The following MATR3 variants were observed in gnomAD, a reference collection of about 807,000 sequenced individuals.
MATR3 encodes the protein matrin 3, also known as matrin-3.
Under a neutral mutation model 85.5 loss-of-function variants are expected in MATR3, and 4 were observed. That is an observed-to-expected ratio of 0.05 (90% confidence interval 0.02 to 0.11). The LOEUF (loss-of-function observed/expected upper bound fraction) is 0.11. Ranked by LOEUF, MATR3 falls within the 10% of genes least tolerant of loss-of-function variation. The pLI, the probability that MATR3 is intolerant of heterozygous loss-of-function variation, is 1.00. For missense variants in MATR3, 685 were observed against 1,016.1 expected, an observed-to-expected ratio of 0.67 and a Z score of 4.43; for synonymous variants, 336 against 343.1, an observed-to-expected ratio of 0.98 and a Z score of 0.23.
chr5:139,321,881 TTTTC>T lies in MATR3; in HGVS notation c.1603-9_1603-6del, dbSNP rs777720118. The T allele has an allele frequency of 5.0e-6, 8 of 1,611,700 alleles. No individual in the cohort carries two copies. The highest frequency in any genetic ancestry group is 2.7e-5 in the African/African-American group (2 of 74,760). On this transcript the variant is annotated splice_polypyrimidine_tract_variant and intron_variant, in intron 9 of 14. Transcript: ENST00000394805. ...AAAATATAATGTGCTTTGTGGTTTC[TTTTC>T]TTTCTTTTTAAGGCTTTTATTGAGA...
chr5:139,319,319 TGTTA>T lies in MATR3; in HGVS notation c.1435-14_1435-11del, dbSNP rs754942776. On this transcript the variant is annotated splice_polypyrimidine_tract_variant and intron_variant, in intron 8 of 14. Coordinates refer to ENST00000394805, the MANE Select transcript of MATR3 (RefSeq NM_018834.6). ...TATTGCACATTTGTCCTTTTGTTGT[TGTTA>T]TTTATTAAAGAAACCTGAAGGAAAG... 21 of 1,612,394 alleles carry T rather than the reference TGTTA, an allele frequency of 1.3e-5. No individual in the cohort carries two copies. The African/African-American group carries it at 2.4e-4, about 18-fold the overall frequency.
chr5:139,317,863 C>T, intron 7 of MATR3, 142 bp downstream of exon 7: 1 of 743,086 alleles, frequency 1.3e-6, no homozygotes, highest in Non-Finnish European at 2.2e-6. Context: ...GAGGAAAAGG[C>T]CAGTAGTTGA....
intron 2 of MATR3, chr5:139,313,575 G>A (rs1755102373): frequency 6.6e-6 from 1 of 151,872 alleles, no homozygotes; most frequent in Non-Finnish European, 1.5e-5. Flanking sequence ...ATTTATATCT[G>A]CATTTTTTTC....
At chr5:139,324,871 A>T (rs894493100) in intron 12 of MATR3, among the ~76,000 whole-genome samples, 9 of 152,102 alleles carry the variant, frequency 5.9e-5, no homozygotes, top group African/African-American at 9.7e-5. Context: ...AGAAAGGAAG[A>T]AGTTACTATT....
intron 3 of MATR3, chr5:139,280,609 C>G (rs572392775): frequency 1.3e-5 from 2 of 152,192 alleles, no homozygotes; most frequent in Non-Finnish European, 2.9e-5. Flanking sequence ...AGGGAGAGGT[C>G]TTAAGAAAGA....
intron 3 of MATR3, chr5:139,283,607 T>A (rs533801075): frequency 3.3e-5 from 5 of 152,352 alleles, no homozygotes; most frequent in South Asian, 4.1e-4. Flanking sequence ...TTGCAGTGAG[T>A]GACAATAATC....
At chr5:139,314,912 A>G (rs1581244549) in intron 3 of MATR3, 176 bp downstream of exon 3, 7 of 596,388 alleles carry the variant, frequency 1.2e-5, no homozygotes, top group African/African-American at 3.7e-5. Context: ...TTCATATTGA[A>G]TATTAGATGC....
intron 1 of MATR3, among the ~76,000 whole-genome samples, chr5:139,298,498 G>C (rs1410792727): frequency 6.6e-6 from 1 of 152,186 alleles, no homozygotes. Flanking sequence ...GAACCTGGGA[G>C]GCGGAAGTTG....
At chr5:139,324,073 CTAA>C (rs1271540454) in intron 12 of MATR3, among the ~76,000 whole-genome samples, 10 of 152,082 alleles carry the variant, frequency 6.6e-5, no homozygotes, top group Non-Finnish European at 1.3e-4. Context: ...TTTGTAAATG[CTAA>C]TAATTACTGA....
At chr5:139,317,340 C>T (rs970088943) in intron 6 of MATR3, among the ~76,000 whole-genome samples, 9 of 152,218 alleles carry the variant, frequency 5.9e-5, no homozygotes, top group Middle Eastern at 6.8e-3. Context: ...TCCAGTTACG[C>T]GTACAATATT....
intron 1 of MATR3, among the ~76,000 whole-genome samples, chr5:139,302,188 C>G (rs1754480623): frequency 6.6e-6 from 1 of 152,136 alleles, no homozygotes; most frequent in African/African-American, 2.4e-5. Context: ...GTCTCAAACT[C>G]CTGACCTCAG....
intron 2 of MATR3, chr5:139,278,796 C>G (rs773043476): frequency 5.9e-6 from 3 of 508,854 alleles, no homozygotes; most frequent in Non-Finnish European, 4.0e-6. Flanking sequence ...CGGTTGTCAG[C>G]TATCCAGGCT....
chr5:139,318,797 T>G, intron 7 of MATR3, 111 bp from the exon 8 acceptor site: 1 of 984,724 alleles, frequency 1.0e-6, no homozygotes, highest in South Asian at 1.4e-5. Flanking sequence ...AATGATTAAA[T>G]ATATCTGAAA....
intron 1 of MATR3, among the ~76,000 whole-genome samples, chr5:139,299,133 G>C (rs995204630): frequency 6.6e-6 from 1 of 152,050 alleles, no homozygotes. Context: ...GTTTTGTTTC[G>C]TATTTTTATA....
chr5:139,287,618 TAAAA>T (rs139718775), intron 3 of MATR3, among the ~76,000 whole-genome samples: 2 of 144,532 alleles, frequency 1.4e-5, no homozygotes, highest in African/African-American at 5.0e-5. Flanking sequence ...ACTCCGTCTC[TAAAA>T]AAAAAAAAGT....
intron 2 of MATR3, 59 bp downstream of exon 2, chr5:139,308,386 T>C: frequency 6.3e-7 from 1 of 1,585,776 alleles, no homozygotes; most frequent in Non-Finnish European, 8.7e-7. Flanking sequence ...TATTTACCTA[T>C]ATCTTTGACT....
Position 139,310,061 on chromosome 5 carries a change from G to A in MATR3, c.912+1734G>A, listed in dbSNP as rs532100103. 4 of 152,262 alleles carry A rather than the reference G, an allele frequency of 2.6e-5. No homozygotes were observed. In the South Asian group the frequency reaches 8.3e-4, roughly 32 times the overall value. 9.4% of individuals were successfully genotyped at this position (152,262 alleles called of 1,614,324 possible). ...CATGAACACAATGGAACCATGAGAG[G>A]ACTTCGAGAAAAGTTTCTGTTTTTA... On this transcript the variant is annotated intron_variant, in intron 2 of 14. Coordinates refer to ENST00000394805, the MANE Select transcript of MATR3 (RefSeq NM_018834.6).
intron 2 of MATR3, among the ~76,000 whole-genome samples, chr5:139,277,761 CTTTTTT>C (rs35759733): frequency 2.3e-5 from 3 of 128,036 alleles, no homozygotes; most frequent in African/African-American, 2.9e-5. Flanking sequence ...GTCTGCTCGT[CTTTTTT>C]TTTTTTTTTT....
chr5:139,316,563 T>C (rs753375998), intron 5 of MATR3, among the ~76,000 whole-genome samples: 7 of 152,074 alleles, frequency 4.6e-5, no homozygotes, highest in Non-Finnish European at 7.4e-5. Flanking sequence ...TACTTATTTA[T>C]TTTAGACAGA....
Sources: allele counts gnomAD v4.1 joint callset (sites outside exome capture counted in the v4.1 genomes callset), GRCh38; gene constraint gnomAD v4.1.1; transcripts MANE v1.5; gene names NCBI Gene and HGNC (gene_info 2026-07-23, HGNC 2026-07-21).